Variants in HNF4A observed in about 807,000 individuals in gnomAD.
The protein encoded by HNF4A is hepatocyte nuclear factor 4-alpha.
Under a neutral mutation model 52.4 loss-of-function variants are expected in HNF4A, and 15 were observed. That is an observed-to-expected ratio of 0.29 (90% CI 0.19 to 0.44). The LOEUF is 0.44. Among genes scored for constraint, HNF4A ranks in the 20% least tolerant of loss-of-function variants. The pLI is 1.00. For missense variants in HNF4A, 479 were observed against 647.2 expected (o/e 0.74, Z 2.82); for synonymous variants, 280 against 264.4 (o/e 1.06, Z -0.57).
At chr20:44,412,406 G>A (rs1025917768) in intron 3 of HNF4A, among the ~76,000 whole-genome samples, 1 of 152,288 alleles carries the variant, frequency 6.6e-6, no homozygotes, top group South Asian at 2.1e-4. Context: ...ATGCTGCTGC[G>A]CTGTGCAGGA....
exon 1 of HNF4A, chr20:44,355,731 G>A (rs2062849661): frequency 7.3e-7 from 1 of 1,377,730 alleles, no homozygotes; most frequent in Non-Finnish European, 1.0e-6. Flanking sequence ...ACGGGCTCCT[G>A]GTGGCTGTGC....
intron 1 of HNF4A, among the ~76,000 whole-genome samples, chr20:44,366,336 A>C (rs2062969731): frequency 6.6e-6 from 1 of 152,026 alleles, no homozygotes; most frequent in Admixed American, 6.6e-5. Flanking sequence ...AAATGTCCCT[A>C]TTGGCCGGGC....
At chr20:44,400,231 G>A (rs541666758), upstream of HNF4A, among the ~76,000 whole-genome samples, 5 of 152,216 alleles carry the variant, frequency 3.3e-5, no homozygotes, top group East Asian at 9.7e-4. Flanking sequence ...CTTTCTAAGG[G>A]TTGGGTTGCC....
intron 1 of HNF4A, among the ~76,000 whole-genome samples, chr20:44,365,144 A>G (rs964260378): frequency 4.6e-5 from 7 of 152,254 alleles, no homozygotes; most frequent in Non-Finnish European, 8.8e-5. Flanking sequence ...ACAATTTAAA[A>G]AAGTATCTTT....
chr20:44,377,533 C>T (rs1338270200), intron 1 of HNF4A, among the ~76,000 whole-genome samples: 2 of 151,884 alleles, frequency 1.3e-5, no homozygotes, highest in African/African-American at 2.4e-5. Context: ...GAGGCCGAGG[C>T]GGGTGGATCA....
At chr20:44,396,433 C>A (rs929595273), upstream of HNF4A, among the ~76,000 whole-genome samples, 11 of 152,156 alleles carry the variant, frequency 7.2e-5, no homozygotes, top group Non-Finnish European at 1.6e-4. Context: ...CACATGCCTC[C>A]CCAACTGCAG....
chr20:44,363,786 T>A (rs2062942684), intron 1 of HNF4A, among the ~76,000 whole-genome samples: 1 of 139,168 alleles, frequency 7.2e-6, no homozygotes, highest in African/African-American at 2.7e-5. Flanking sequence ...AACCTCCACC[T>A]CCTGGGTTCA....
chr20:44,407,560 C>G, intron 3 of HNF4A, 85 bp downstream of exon 3: 1 of 942,290 alleles, frequency 1.1e-6, no homozygotes, highest in Non-Finnish European at 1.7e-6. Context: ...TGTAGCCACA[C>G]TTTATGACTC....
At chr20:44,385,602 G>GA (rs1365108928) in intron 1 of HNF4A, among the ~76,000 whole-genome samples, 1 of 151,712 alleles carries the variant, frequency 6.6e-6, no homozygotes, top group Non-Finnish European at 1.5e-5. Context: ...CCAAGTAGCT[G>GA]AAATTACAGG....
At chr20:44,403,113 G>A (rs183422950) in intron 1 of HNF4A, among the ~76,000 whole-genome samples, 32 of 152,214 alleles carry the variant, frequency 2.1e-4, no homozygotes, top group Middle Eastern at 3.4e-3. Flanking sequence ...GTGGCCCCAC[G>A]AGGACCACTG....
intron 5 of HNF4A, among the ~76,000 whole-genome samples, chr20:44,416,399 C>T (rs1016994337): frequency 1.3e-5 from 2 of 152,246 alleles, no homozygotes; most frequent in African/African-American, 2.4e-5. Flanking sequence ...CAGAAATTTG[C>T]CTGAAGTCAC....
chr20:44,376,277 A>G (rs1242030618), intron 1 of HNF4A, among the ~76,000 whole-genome samples: 2 of 152,080 alleles, frequency 1.3e-5, no homozygotes, highest in Non-Finnish European at 2.9e-5. Flanking sequence ...AGAAAAAAAT[A>G]TATATATAGA....
intron 4 of HNF4A, among the ~76,000 whole-genome samples, chr20:44,414,192 C>A (rs2063627357): frequency 6.6e-6 from 1 of 152,220 alleles, no homozygotes; most frequent in Non-Finnish European, 1.5e-5. Flanking sequence ...GCCATGGTTG[C>A]CTCATTGTCA....
intron 1 of HNF4A, among the ~76,000 whole-genome samples, chr20:44,405,046 G>A (rs1480563229): frequency 1.3e-5 from 2 of 149,858 alleles, no homozygotes; most frequent in East Asian, 2.0e-4. Context: ...GTGTGTGCTT[G>A]TGTGTGGACT....
chr20:44,385,886 G>A (rs2146274149), intron 1 of HNF4A, among the ~76,000 whole-genome samples: 1 of 140,788 alleles, frequency 7.1e-6, no homozygotes, highest in Non-Finnish European at 1.6e-5. Flanking sequence ...TTAAGGCAGG[G>A]TCTCGCTCTG....
At chr20:44,399,631 C>T (rs1346268777), upstream of HNF4A, among the ~76,000 whole-genome samples, 1 of 152,214 alleles carries the variant, frequency 6.6e-6, no homozygotes, top group East Asian at 1.9e-4. Context: ...TCCACCCACA[C>T]ATTCACTCAT....
chr20:44,375,610 A>G (rs1328582789), intron 1 of HNF4A, among the ~76,000 whole-genome samples: 1 of 152,158 alleles, frequency 6.6e-6, no homozygotes, highest in African/African-American at 2.4e-5. Context: ...AGTTAGTGGC[A>G]GAGCCAAGAC....
At chr20:44,434,204 C>G (rs890952723), downstream of HNF4A, 2 of 152,180 alleles carry the variant, frequency 1.3e-5, no homozygotes, top group African/African-American at 4.8e-5. Flanking sequence ...CTCCACCACT[C>G]CGAGCCTCAT....
chr20:44,389,734 C>T (rs1224244525), intron 1 of HNF4A: 3 of 152,254 alleles, frequency 2.0e-5, no homozygotes, highest in African/African-American at 7.2e-5. Context: ...AGGCACACAA[C>T]CAGTCTAATT....
Sources: gnomAD v4.1 joint callset for allele counts (sites outside exome capture counted in the v4.1 genomes callset) on GRCh38, gnomAD v4.1.1 for gene constraint, MANE v1.5 for transcripts, NCBI Gene and HGNC (gene_info 2026-07-23, HGNC 2026-07-21) for gene names.